Variants in ASAP1 observed in about 807,000 individuals in gnomAD.
The protein encoded by ASAP1 is ArfGAP with SH3 domain, ankyrin repeat and PH domain 1.
ASAP1 carries 43 observed loss-of-function variants against 145.2 expected under a neutral mutation model. The ratio of observed to expected loss-of-function variants is 0.30; its 90% confidence interval spans 0.23 to 0.38. The LOEUF (loss-of-function observed/expected upper bound fraction) is 0.38, where lower values mean the gene tolerates loss of function less well. Ranked by LOEUF, ASAP1 falls within the 10% of genes least tolerant of loss-of-function variation. The pLI is 1.00. For missense variants in ASAP1, 1,018 were observed against 1,355.3 expected, an observed-to-expected ratio of 0.75 and a Z score of 3.91; for synonymous variants, 546 against 515.5, an observed-to-expected ratio of 1.06 and a Z score of -0.80.
At chr8:130,176,649 C>A (rs1208479570) in intron 9 of ASAP1, among the ~76,000 whole-genome samples, 1 of 151,920 alleles carries the variant, frequency 6.6e-6, no homozygotes, top group African/African-American at 2.4e-5. Flanking sequence ...GGTGCTAATA[C>A]CTTCTCCTCA....
intron 3 of ASAP1, among the ~76,000 whole-genome samples, chr8:130,268,173 T>G (rs1288973031): frequency 6.6e-6 from 1 of 152,106 alleles, no homozygotes; most frequent in Admixed American, 6.6e-5. Context: ...ATGATGATAT[T>G]ATTATGTGGC....
intron 5 of ASAP1, among the ~76,000 whole-genome samples, chr8:130,207,179 A>C (rs1237565142): frequency 6.6e-6 from 1 of 152,180 alleles, no homozygotes; most frequent in Non-Finnish European, 1.5e-5. Context: ...AGTGGAAGGA[A>C]TGGAATCTAT....
At chr8:130,125,287 G>T (rs1392147060) in intron 17 of ASAP1, among the ~76,000 whole-genome samples, 1 of 152,060 alleles carries the variant, frequency 6.6e-6, no homozygotes, top group East Asian at 1.9e-4. Flanking sequence ...ATGCCAAGTA[G>T]GCTCCCCTTC....
At chr8:130,328,908 A>T (rs1029170951) in intron 3 of ASAP1, among the ~76,000 whole-genome samples, 3 of 152,090 alleles carry the variant, frequency 2.0e-5, no homozygotes, top group African/African-American at 7.2e-5. Flanking sequence ...GGGATTACAG[A>T]CATGGGTCTG....
chr8:130,413,763 A>AT (rs1191750081), intron 1 of ASAP1, among the ~76,000 whole-genome samples: 1 of 152,206 alleles, frequency 6.6e-6, no homozygotes, highest in African/African-American at 2.4e-5. Context: ...ATATATCTGC[A>AT]TTTTTAATTT....
intron 27 of ASAP1, among the ~76,000 whole-genome samples, chr8:130,072,831 G>GTGTGTGTGTGTGTGTGTGTGTGTGTGTGT (rs58907739): frequency 9.0e-6 from 1 of 110,706 alleles, no homozygotes. Flanking sequence ...GTGTGCGCGC[G>GTGTGTGTGTGTGTGTGTGTGTGTGTGTGT]GGGGGGGGCA....
At chr8:130,111,326 C>A (rs905662774) in intron 24 of ASAP1, among the ~76,000 whole-genome samples, 2 of 149,944 alleles carry the variant, frequency 1.3e-5, no homozygotes, top group Admixed American at 1.3e-4. Context: ...GAGATGGAGG[C>A]GACTGAGAAA....
chr8:130,230,866 A>G (rs1817871531), intron 4 of ASAP1, among the ~76,000 whole-genome samples: 1 of 152,286 alleles, frequency 6.6e-6, no homozygotes, highest in East Asian at 1.9e-4. Context: ...TATGCTTGTT[A>G]AGAAAACTTT....
chr8:130,086,258 C>CT (rs1358467674), intron 25 of ASAP1, among the ~76,000 whole-genome samples: 1 of 152,188 alleles, frequency 6.6e-6, no homozygotes, highest in Non-Finnish European at 1.5e-5. Flanking sequence ...CACGTACTAG[C>CT]TGTGAGAAAC....
At chr8:130,393,725 C>A (rs911181320) in intron 2 of ASAP1, among the ~76,000 whole-genome samples, 1 of 152,194 alleles carries the variant, frequency 6.6e-6, no homozygotes, top group Non-Finnish European at 1.5e-5. Context: ...CACTGCACTC[C>A]AGACTGGGTG....
At chr8:130,261,533 G>C (rs1819897873) in intron 3 of ASAP1, among the ~76,000 whole-genome samples, 1 of 152,152 alleles carries the variant, frequency 6.6e-6, no homozygotes, top group Non-Finnish European at 1.5e-5. Context: ...GCTTGGGGTA[G>C]GCTTAGGGAA....
rs928034278 is a variant in ASAP1, at chr8:130,406,187, C to T, written c.-27-4217G>A. Among the ~76,000 whole-genome samples, 7 of 152,200 alleles carry T rather than the reference C, an allele frequency of 4.6e-5. 1 individual carries two copies. Among genetic ancestry groups the T allele is most frequent in the African/African-American group, 7.2e-5 (3 of 41,448 alleles). On this transcript the variant is annotated intron_variant, in intron 1 of 29. Transcript: ENST00000518721. ...AACTACCCTGTGCCAGGGACTGCTC[C>T]TGCTGCCTAAAGACAGAGCAAAGAA...
At chr8:130,277,255 G>A (rs183188053) in intron 3 of ASAP1, among the ~76,000 whole-genome samples, 176 of 152,262 alleles carry the variant, frequency 1.2e-3, no homozygotes, top group African/African-American at 4.1e-3. Context: ...GCCCCATCCA[G>A]TCTGGCCATT....
chr8:130,070,143 T>C (rs527802676), intron 27 of ASAP1, among the ~76,000 whole-genome samples: 2 of 152,208 alleles, frequency 1.3e-5, no homozygotes, highest in African/African-American at 4.8e-5. Context: ...TTCACGCCAT[T>C]CTCCTGCCTC....
chr8:130,156,339 T>C (rs1198482338), intron 12 of ASAP1, among the ~76,000 whole-genome samples: 4 of 152,250 alleles, frequency 2.6e-5, no homozygotes, highest in African/African-American at 7.2e-5. Flanking sequence ...ATCTTTGCTA[T>C]CTGTGCCATT....
At chr8:130,278,275 A>G (rs781123370) in intron 3 of ASAP1, among the ~76,000 whole-genome samples, 10 of 152,200 alleles carry the variant, frequency 6.6e-5, no homozygotes, top group Non-Finnish European at 1.0e-4. Context: ...TTTAGGATGG[A>G]CACGACCAAC....
At chr8:130,137,142 T>A in intron 13 of ASAP1, 104 bp from the exon 14 acceptor site, 1 of 906,156 alleles carries the variant, frequency 1.1e-6, no homozygotes, top group South Asian at 1.4e-5. Flanking sequence ...GCCTGCTCAG[T>A]GGTACAAAAA....
chr8:130,182,963 A>G (rs1814470244), intron 7 of ASAP1, among the ~76,000 whole-genome samples: 1 of 151,882 alleles, frequency 6.6e-6, no homozygotes, highest in Admixed American at 6.5e-5. Flanking sequence ...TAATATAAAT[A>G]GAACAGAAAA....
chr8:130,059,303 G>A (rs141732142), intron 28 of ASAP1, among the ~76,000 whole-genome samples: 98 of 151,960 alleles, frequency 6.4e-4, no homozygotes, highest in African/African-American at 2.1e-3. Context: ...AGCTGGGATC[G>A]CAGGCATGTA....
Sources: gnomAD v4.1 joint callset for allele counts (sites outside exome capture counted in the v4.1 genomes callset) on GRCh38, gnomAD v4.1.1 for gene constraint, MANE v1.5 for transcripts, NCBI Gene and HGNC (gene_info 2026-07-23, HGNC 2026-07-21) for gene names.